EYA1: variants seen among roughly 807,000 people sequenced by gnomAD.
EYA1 encodes EYA transcriptional coactivator and phosphatase 1.
Under a neutral mutation model 82.0 loss-of-function variants are expected in EYA1, and 16 were observed. That is an observed-to-expected ratio of 0.20 (90% CI 0.13 to 0.30). The LOEUF (loss-of-function observed/expected upper bound fraction) is 0.30. Ranked by LOEUF, EYA1 falls within the 10% of genes least tolerant of loss-of-function variation. The pLI is 1.00. For missense variants in EYA1, 633 were observed against 730.7 expected, an observed-to-expected ratio of 0.87 and a Z score of 1.54; for synonymous variants, 261 against 264.4, an observed-to-expected ratio of 0.99 and a Z score of 0.12.
In EYA1 at chr8:71,494,109, C is replaced by T. The variant is rs116008201; in HGVS notation, c.33+41635G>A. 3.9e-3 allele frequency among the ~76,000 whole-genome samples: 581 copies of T among 149,670 alleles called. 3 individuals carry two copies. The highest frequency in any genetic ancestry group is 0.013 in the African/African-American group (546 of 40,788). ...TTATAAGAATTTTCAAAATAAAATC[C>T]AGTTTAAACTTATTAGGTTTTATTA... On this transcript the variant is annotated intron_variant, in intron 2 of 18. Coordinates refer to the EYA1 transcript ENST00000643681.
At chr8:71,269,659 A>T in intron 11 of EYA1, 81 bp downstream of exon 11, 1 of 995,038 alleles carries the variant, frequency 1.0e-6, no homozygotes, top group Non-Finnish European at 1.6e-6. Flanking sequence ...TTAAAGTTAA[A>T]TTACATTCAT....
intron 11 of EYA1, among the ~76,000 whole-genome samples, chr8:71,255,541 A>T (rs1200254418): frequency 1.3e-5 from 2 of 152,212 alleles, no homozygotes; most frequent in Non-Finnish European, 2.9e-5. Context: ...CTGGATATCC[A>T]CATGCAAAAA....
intron 2 of EYA1, among the ~76,000 whole-genome samples, chr8:71,373,816 GA>G (rs1370560579): frequency 6.6e-6 from 1 of 152,096 alleles, no homozygotes; most frequent in Non-Finnish European, 1.5e-5. Flanking sequence ...ACAGGATAAA[GA>G]GTCCAGAAAT....
At chr8:71,343,521 C>T (rs189619533) in intron 3 of EYA1, among the ~76,000 whole-genome samples, 8 of 152,232 alleles carry the variant, frequency 5.3e-5, no homozygotes, top group Admixed American at 3.9e-4. Context: ...GGAAGAGGAA[C>T]CTGAACTAGC....
At chr8:71,263,523 G>C (rs117972670) in intron 11 of EYA1, among the ~76,000 whole-genome samples, 1 of 152,282 alleles carries the variant, frequency 6.6e-6, no homozygotes, top group East Asian at 1.9e-4. Flanking sequence ...TCACGTGAGG[G>C]TCTGTGTTTC....
chr8:71,362,870 T>C (rs1827518784), upstream of EYA1, among the ~76,000 whole-genome samples: 1 of 152,248 alleles, frequency 6.6e-6, no homozygotes, highest in South Asian at 2.1e-4. Context: ...AGTTAAGATA[T>C]GTTTTATACA....
At chr8:71,512,427 A>C (rs1245810006) in intron 2 of EYA1, among the ~76,000 whole-genome samples, 3 of 152,078 alleles carry the variant, frequency 2.0e-5, no homozygotes, top group Non-Finnish European at 4.4e-5. Flanking sequence ...TGAGACAATA[A>C]AACAATAAAG....
intron 9 of EYA1, among the ~76,000 whole-genome samples, chr8:71,282,615 C>T (rs1415848535): frequency 1.3e-5 from 2 of 152,158 alleles, no homozygotes; most frequent in East Asian, 1.9e-4. Context: ...TCTCAGTTCT[C>T]CTCCTGACTC....
rs1241412714 is a variant in EYA1 at position 71,254,264 on chromosome 8, A to G, written c.1051-9572T>C. ...TGGCCAAAAAAAAAAAAAAAAAAAA[A>G]AAAAGAAAAGGAAACTGAATCTAAC... On this transcript the variant is annotated intron_variant, in intron 11 of 17. Coordinates refer to ENST00000340726, the MANE Select transcript of EYA1 (RefSeq NM_000503.6). Among the ~76,000 whole-genome samples, 7 of 149,302 alleles carry G rather than the reference A, an allele frequency of 4.7e-5. No individual in the cohort carries two copies. In the South Asian group the frequency reaches 6.3e-4, roughly 13 times the overall value.
intron 2 of EYA1, among the ~76,000 whole-genome samples, chr8:71,491,665 G>A (rs2129225122): frequency 6.6e-6 from 1 of 152,282 alleles, no homozygotes; most frequent in East Asian, 1.9e-4. Flanking sequence ...TCCAGATTGT[G>A]AGAAAATCAA....
At chr8:71,296,965 T>A (rs1018227358) in intron 9 of EYA1, among the ~76,000 whole-genome samples, 1 of 152,150 alleles carries the variant, frequency 6.6e-6, no homozygotes, top group East Asian at 1.9e-4. Flanking sequence ...TCTTTTTCAA[T>A]GTGGAAACTC....
At chr8:71,498,705 G>A (rs781586841) in intron 2 of EYA1, among the ~76,000 whole-genome samples, 2 of 152,064 alleles carry the variant, frequency 1.3e-5, no homozygotes, top group South Asian at 2.1e-4. Flanking sequence ...CTGCTGCTGG[G>A]CAATCAATCT....
At position 71,361,916 on chromosome 8, in the gene EYA1, G is replaced by C. The variant is rs1827423552; in HGVS notation, c.-324C>G. On this transcript the variant is annotated 5_prime_UTR_variant, in exon 1 of 18. Transcript: ENST00000340726. The stretch of plus-strand genomic sequence containing the variant: ...CCCCAGGAAGAAACCCGCCACAGTG[G>C]ACGGCAACAGGAAGGCTTAAAGTCG... The C allele has an allele frequency of 3.0e-6, 3 of 985,476 alleles. No individual in the cohort carries two copies. The highest frequency in any genetic ancestry group is 3.6e-6 in the Non-Finnish European group (3 of 829,974). The allele number at this position is 985,476 out of a possible 1,614,324, so 61.0% of individuals were successfully genotyped here. A position where few individuals can be genotyped will look rare whatever the true frequency, so the allele number is the denominator to read the frequency against.
intron 1 of EYA1, chr8:71,547,732 G>C (rs965514541): frequency 6.6e-6 from 1 of 151,218 alleles, no homozygotes; most frequent in African/African-American, 2.4e-5. Context: ...TCCTCGTCAC[G>C]GCAACCCAAC....
intron 12 of EYA1, among the ~76,000 whole-genome samples, chr8:71,231,227 T>C (rs113629559): frequency 3.9e-5 from 6 of 152,366 alleles, no homozygotes; most frequent in African/African-American, 1.4e-4. Context: ...CTCATCATTA[T>C]TGACCCCTTT....
chr8:71,507,564 T>C (rs1278936369), intron 2 of EYA1, among the ~76,000 whole-genome samples: 1 of 152,224 alleles, frequency 6.6e-6, no homozygotes, highest in East Asian at 1.9e-4. Context: ...CAAGATTATA[T>C]ATTTCTGAGG....
rs774032992 is a variant in EYA1, at chr8:71,299,061, G to A, written c.812C>T (p.Thr271Ile). 1.2e-6 allele frequency: 2 copies of A among 1,613,926 alleles called. No individual in the cohort carries two copies. The highest frequency in any genetic ancestry group is 1.7e-6 in the Non-Finnish European group (2 of 1,179,890). ...CACATAATTACCTGCTGTGGGATCT[G>A]TAACTGCTTGGCTGGTGATGCCAGA... ...PPSGITSQAVTDPTAEYSTIH... is the reference protein window; with the variant it reads ...PPSGITSQAVIDPTAEYSTIH... Residue 271 changes from threonine to isoleucine, a missense_variant, in exon 9 of 18, where the codon ACA becomes ATA. Transcript: ENST00000340726.
At chr8:71,293,051 A>C (rs1013847161) in intron 9 of EYA1, among the ~76,000 whole-genome samples, 3 of 152,148 alleles carry the variant, frequency 2.0e-5, no homozygotes, top group Non-Finnish European at 4.4e-5. Flanking sequence ...TAGGCAGGCT[A>C]ACCAAGATAA....
At chr8:71,210,885 G>GA (rs1585785227) in intron 17 of EYA1, among the ~76,000 whole-genome samples, 1 of 152,222 alleles carries the variant, frequency 6.6e-6, no homozygotes, top group East Asian at 1.9e-4. Context: ...CTCTGCTCTG[G>GA]ATGACAGCTA....
Sources: gnomAD v4.1 joint callset for allele counts (sites outside exome capture counted in the v4.1 genomes callset) on GRCh38, gnomAD v4.1.1 for gene constraint, MANE v1.5 for transcripts, NCBI Gene and HGNC (gene_info 2026-07-23, HGNC 2026-07-21) for gene names.